The following FAM200B variants were observed in gnomAD, a reference collection of about 807,000 sequenced individuals.
FAM200B encodes protein FAM200B.
Under a neutral mutation model 33.1 loss-of-function variants are expected in FAM200B, and 32 were observed. The ratio of observed to expected loss-of-function variants is 0.97; its 90% CI spans 0.73 to 1.30. The LOEUF (loss-of-function observed/expected upper bound fraction) is 1.30. FAM200B is among the 50% of genes most tolerant of loss of function. FAM200B has a pLI of 0.00. For missense variants in FAM200B, 741 were observed against 754.0 expected, an observed-to-expected ratio of 0.98 and a Z score of 0.20; for synonymous variants, 240 against 264.8, an observed-to-expected ratio of 0.91 and a Z score of 0.91.
At chr4:15,682,939 T>G (rs1718468489) in intron 1 of FAM200B, among the ~76,000 whole-genome samples, 1 of 152,240 alleles carries the variant, frequency 6.6e-6, no homozygotes, top group Non-Finnish European at 1.5e-5. Flanking sequence ...AAGATGAGGC[T>G]TAAGCTTAAA....
chr4:15,652,387 C>G, the FAM200B span, among the ~76,000 whole-genome samples: 2 of 152,206 alleles, frequency 1.3e-5, no homozygotes, highest in African/African-American at 4.8e-5. Flanking sequence ...CCTAGCTAAT[C>G]TAGGCCTCTA....
chr4:15,662,258 G>A, the FAM200B span, among the ~76,000 whole-genome samples: 1 of 152,138 alleles, frequency 6.6e-6, no homozygotes, highest in Non-Finnish European at 1.5e-5. Context: ...TTATTTAGGG[G>A]CATAGGCTCC....
chr4:15,649,893 G>A, the FAM200B span, among the ~76,000 whole-genome samples: 1 of 152,054 alleles, frequency 6.6e-6, no homozygotes, highest in Non-Finnish European at 1.5e-5. Context: ...TACAACTAGT[G>A]AACAACAAAA....
At chr4:15,642,077 T>C in the FAM200B span, among the ~76,000 whole-genome samples, 1 of 151,744 alleles carries the variant, frequency 6.6e-6, no homozygotes, top group South Asian at 2.1e-4. Flanking sequence ...TATATCAATA[T>C]CAACACTTCT....
rs776784313 is a variant in FAM200B, at chr4:15,689,160, C to T, written c.*209C>T. The T allele has an allele frequency of 5.1e-6, 2 of 394,400 alleles. No individual in the cohort carries two copies. Among genetic ancestry groups the T allele is most frequent in the Admixed American group, 4.4e-5 (1 of 22,824 alleles). 24.4% of individuals were successfully genotyped at this position (394,400 alleles called of 1,614,324 possible). Reference sequence around the variant, plus strand: ...AACTATTCTAGAGACATTTGGGATACAAAAGTGAACAAAACAGGTAATTCC... The same window carrying T: ...AACTATTCTAGAGACATTTGGGATATAAAAGTGAACAAAACAGGTAATTCC... On this transcript the variant is annotated 3_prime_UTR_variant, in exon 2 of 2. Coordinates refer to ENST00000422728, the MANE Select transcript of FAM200B (RefSeq NM_001145191.2).
the FAM200B span, among the ~76,000 whole-genome samples, chr4:15,644,995 T>C: frequency 1.3e-5 from 2 of 152,278 alleles, no homozygotes; most frequent in African/African-American, 2.4e-5. Context: ...ACCAGGCCCC[T>C]TCTAAACCTA....
chr4:15,687,279 C>G lies in FAM200B; in HGVS notation c.302C>G (p.Ser101Trp), dbSNP rs570604397. Residue 101 changes from serine to tryptophan, a missense_variant, in exon 2 of 2, where the codon TCG (serine) becomes TGG (tryptophan). Coordinates refer to ENST00000422728, the MANE Select transcript of FAM200B (RefSeq NM_001145191.2). ...CTTGCGAATGAAAGCTTAAAACCTTCGAAATTAAAAAGGCACTTAGAAACT... is the reference window on the plus strand; with the variant it reads ...CTTGCGAATGAAAGCTTAAAACCTTGGAAATTAAAAAGGCACTTAGAAACT... Reference protein sequence around the residue: ...NILANESLKPSKLKRHLETQH... With the variant: ...NILANESLKPWKLKRHLETQH... 6.5e-7 allele frequency: 1 copy of G among 1,547,516 alleles called. No homozygotes were observed. Among genetic ancestry groups the G allele is most frequent in the Admixed American group, 2.0e-5 (1 of 50,524 alleles).
chr4:15,684,541 T>G (rs1309046317), intron 1 of FAM200B: 1 of 152,216 alleles, frequency 6.6e-6, no homozygotes, highest in Non-Finnish European at 1.5e-5. Context: ...TGGGGGAAAG[T>G]TGAAGCATTA....
the FAM200B span, among the ~76,000 whole-genome samples, chr4:15,640,016 T>C: frequency 7.9e-5 from 12 of 152,130 alleles, no homozygotes; most frequent in African/African-American, 1.9e-4. Flanking sequence ...CTAATACATG[T>C]ACAGTAGGCT....
upstream of FAM200B, among the ~76,000 whole-genome samples, chr4:15,680,117 G>GA (rs371343552): frequency 5.3e-3 from 765 of 144,204 alleles, 7 homozygotes; most frequent in African/African-American, 0.015. Context: ...AGTAAAACAG[G>GA]AAAAAAAAAA....
At chr4:15,642,461 C>G in the FAM200B span, among the ~76,000 whole-genome samples, 2 of 152,046 alleles carry the variant, frequency 1.3e-5, no homozygotes, top group African/African-American at 4.8e-5. Context: ...GTCTCGAACT[C>G]CTGACCTCAA....
the FAM200B span, among the ~76,000 whole-genome samples, chr4:15,666,233 C>T: frequency 6.6e-6 from 1 of 151,886 alleles, no homozygotes; most frequent in African/African-American, 2.4e-5. Flanking sequence ...ACTCCACCAC[C>T]ACAAAAAGTT....
chr4:15,671,173 T>C, the FAM200B span, among the ~76,000 whole-genome samples: 2 of 151,818 alleles, frequency 1.3e-5, no homozygotes, highest in African/African-American at 4.8e-5. Context: ...ATTTGCCAGC[T>C]TCAGCCTTCC....
chr4:15,684,803 C>G (rs934529754), intron 1 of FAM200B: 1 of 152,116 alleles, frequency 6.6e-6, no homozygotes, highest in Admixed American at 6.6e-5. Context: ...CTAATGTCCT[C>G]GACAGAGGAC....
chr4:15,648,095 G>A, the FAM200B span, among the ~76,000 whole-genome samples: 12 of 152,220 alleles, frequency 7.9e-5, no homozygotes, highest in Middle Eastern at 3.4e-3. Flanking sequence ...GGCTTCAAGC[G>A]ATCCTCCTGA....
At chr4:15,645,273 C>T in the FAM200B span, among the ~76,000 whole-genome samples, 3 of 152,052 alleles carry the variant, frequency 2.0e-5, no homozygotes, top group African/African-American at 2.4e-5. Flanking sequence ...AAAATTATTC[C>T]TACTATACAT....
At chr4:15,682,470 A>C (rs1312741757) in intron 1 of FAM200B, among the ~76,000 whole-genome samples, 1 of 152,198 alleles carries the variant, frequency 6.6e-6, no homozygotes, top group African/African-American at 2.4e-5. Flanking sequence ...TGTCAGCTCT[A>C]CCCCGTCTCA....
At chr4:15,679,062 T>C (rs1560255818), upstream of FAM200B, among the ~76,000 whole-genome samples, 1 of 134,870 alleles carries the variant, frequency 7.4e-6, no homozygotes, top group East Asian at 2.3e-4. Flanking sequence ...CTAAAATCTC[T>C]ATTTTTTTTT....
chr4:15,645,282 A>G, the FAM200B span, among the ~76,000 whole-genome samples: 3 of 152,218 alleles, frequency 2.0e-5, no homozygotes, highest in Non-Finnish European at 2.9e-5. Context: ...CCTACTATAC[A>G]TAACAGAATT....
Sources: allele counts gnomAD v4.1 joint callset (sites outside exome capture counted in the v4.1 genomes callset), GRCh38; gene constraint gnomAD v4.1.1; transcripts MANE v1.5; gene names NCBI Gene and HGNC (gene_info 2026-07-23, HGNC 2026-07-21).